KAZN: variants seen among roughly 807,000 people sequenced by gnomAD.
The protein encoded by KAZN is kazrin.
KAZN carries 40 observed loss-of-function variants against 87.4 expected under a neutral mutation model. The ratio of observed to expected loss-of-function variants is 0.46; its 90% CI spans 0.36 to 0.60. The LOEUF (loss-of-function observed/expected upper bound fraction) is 0.60, where lower values mean the gene tolerates loss of function less well. KAZN is among the 20% of genes least tolerant of loss of function. KAZN has a pLI of 0.00. For missense variants in KAZN, 898 were observed against 1,073.9 expected, an observed-to-expected ratio of 0.84 and a Z score of 2.29; for synonymous variants, 466 against 458.3, an observed-to-expected ratio of 1.02 and a Z score of -0.22.
chr1:14,113,948 C>T (rs1347122148), intron 1 of KAZN, among the ~76,000 whole-genome samples: 2 of 152,270 alleles, frequency 1.3e-5, no homozygotes, highest in East Asian at 3.9e-4. Context: ...TGGAGTCTGC[C>T]CCCTTGTTTG....
intron 2 of KAZN, among the ~76,000 whole-genome samples, chr1:14,418,085 C>T (rs1664975077): frequency 7.0e-6 from 1 of 142,236 alleles, no homozygotes; most frequent in African/African-American, 2.6e-5. Context: ...ATGTCCCCTC[C>T]CAGGAGATGA....
In KAZN at chr1:14,497,672, A is replaced by G. The variant is rs145678145; in HGVS notation, c.250-101311A>G. 9.2e-5 allele frequency among the ~76,000 whole-genome samples: 14 copies of G among 152,336 alleles called. No individual in the cohort carries two copies. In the East Asian group the frequency reaches 2.7e-3, roughly 29 times the overall value. On this transcript the variant is annotated intron_variant, in intron 2 of 16. Transcript: ENST00000636203. ...ACTTACCCATTCAGCCTATGAAGAT[A>G]TATACTTGGAGAACCAGATTGTCAA...
At chr1:14,558,914 GTC>G (rs1674083346) in intron 2 of KAZN, among the ~76,000 whole-genome samples, 2 of 152,296 alleles carry the variant, frequency 1.3e-5, no homozygotes, top group African/African-American at 4.8e-5. Context: ...AGAACCAGGA[GTC>G]TCTCTCTTCT....
intron 2 of KAZN, among the ~76,000 whole-genome samples, chr1:14,195,511 TCACACACA>T (rs55792359): frequency 1.1e-3 from 155 of 146,188 alleles, no homozygotes; most frequent in South Asian, 3.0e-3. Context: ...CAAAAACGGC[TCACACACA>T]CACACACACA....
At chr1:14,506,754 A>G (rs1317111107) in intron 2 of KAZN, among the ~76,000 whole-genome samples, 1 of 152,242 alleles carries the variant, frequency 6.6e-6, no homozygotes, top group African/African-American at 2.4e-5. Flanking sequence ...TTTAGAATGC[A>G]TGAACAAAAT....
At chr1:14,408,530 C>T (rs1288115250) in intron 2 of KAZN, among the ~76,000 whole-genome samples, 3 of 20,250 alleles carry the variant, frequency 1.5e-4, no homozygotes, top group South Asian at 3.1e-3. Flanking sequence ...ATCAGGGAGC[C>T]GGCCTGGTCA....
chr1:14,760,277 A>G (rs1190013976), intron 1 of KAZN, among the ~76,000 whole-genome samples: 4 of 152,098 alleles, frequency 2.6e-5, no homozygotes, highest in African/African-American at 4.8e-5. Flanking sequence ...AAACGCCCCC[A>G]AGATAGTAGA....
intron 1 of KAZN, among the ~76,000 whole-genome samples, chr1:14,940,085 C>T (rs913782150): frequency 5.3e-5 from 8 of 152,184 alleles, no homozygotes; most frequent in African/African-American, 1.9e-4. Context: ...GGCCATGGAT[C>T]AGGTGACCAT....
At chr1:14,108,053 A>G (rs772581882) in intron 1 of KAZN, among the ~76,000 whole-genome samples, 1 of 152,048 alleles carries the variant, frequency 6.6e-6, no homozygotes, top group Non-Finnish European at 1.5e-5. Context: ...TACCCTCCAC[A>G]TTGCCCTGTT....
chr1:14,183,064 T>C (rs1398125537), intron 2 of KAZN, among the ~76,000 whole-genome samples: 2 of 152,170 alleles, frequency 1.3e-5, no homozygotes, highest in Non-Finnish European at 2.9e-5. Context: ...GCAAGTCGAA[T>C]GAAGTCAGGC....
intron 13 of KAZN, among the ~76,000 whole-genome samples, chr1:15,105,367 A>G (rs514314): frequency 0.56 from 84,274 of 151,704 alleles, 23,542 homozygotes; most frequent in East Asian, 0.77. Context: ...CAGATTTTCT[A>G]TTTCTTCTTG....
At chr1:14,296,829 A>T (rs1571245760) in intron 2 of KAZN, among the ~76,000 whole-genome samples, 3 of 151,414 alleles carry the variant, frequency 2.0e-5, no homozygotes, top group Admixed American at 2.0e-4. Flanking sequence ...TAGAGACGGG[A>T]TTTCACCATG....
chr1:14,349,082 C>G (rs1658327373), intron 2 of KAZN: 1 of 152,238 alleles, frequency 6.6e-6, no homozygotes, highest in Non-Finnish European at 1.5e-5. Context: ...AGGCAACTCT[C>G]ATTGTTCTTG....
chr1:13,996,769 C>T (rs543561224), intron 1 of KAZN, among the ~76,000 whole-genome samples: 3 of 152,342 alleles, frequency 2.0e-5, no homozygotes, highest in African/African-American at 7.2e-5. Context: ...TTAGCCTTTC[C>T]TCCTGATAGT....
intron 1 of KAZN, among the ~76,000 whole-genome samples, chr1:14,685,001 C>T (rs755125082): frequency 8.5e-5 from 13 of 152,110 alleles, no homozygotes; most frequent in Non-Finnish European, 1.5e-4. Flanking sequence ...ACTGAAGTGC[C>T]ATATTGTCCT....
At chr1:14,831,935 C>T (rs1451633432) in intron 1 of KAZN, among the ~76,000 whole-genome samples, 1 of 152,164 alleles carries the variant, frequency 6.6e-6, no homozygotes, top group Non-Finnish European at 1.5e-5. Flanking sequence ...TGGCTCACAC[C>T]TGTACTCGCA....
intron 8 of KAZN, among the ~76,000 whole-genome samples, chr1:15,068,860 C>T (rs970367519): frequency 2.0e-5 from 3 of 152,102 alleles, no homozygotes; most frequent in African/African-American, 4.8e-5. Context: ...TCCCCTCCCA[C>T]CTCTGCAGCA....
At chr1:14,567,503 C>A (rs970257152) in intron 2 of KAZN, among the ~76,000 whole-genome samples, 4 of 152,146 alleles carry the variant, frequency 2.6e-5, no homozygotes, top group African/African-American at 9.7e-5. Flanking sequence ...TTACTCAGCA[C>A]AAGGTTGCCA....
chr1:14,576,467 G>C (rs1321623923), intron 2 of KAZN, among the ~76,000 whole-genome samples: 1 of 152,144 alleles, frequency 6.6e-6, no homozygotes, highest in Non-Finnish European at 1.5e-5. Context: ...ATATATTAAT[G>C]GATGGATGGA....
Sources: gnomAD v4.1 joint callset for allele counts (sites outside exome capture counted in the v4.1 genomes callset) on GRCh38, gnomAD v4.1.1 for gene constraint, MANE v1.5 for transcripts, NCBI Gene and HGNC (gene_info 2026-07-23, HGNC 2026-07-21) for gene names.